The following CATSPERE variants were observed in gnomAD, a reference collection of about 807,000 sequenced individuals.
CATSPERE encodes catsper channel auxiliary subunit epsilon.
A neutral mutation model predicts 114.1 loss-of-function variants in CATSPERE; 93 were observed. The observed-to-expected ratio is 0.81, with a 90% CI of 0.69 to 0.97. The LOEUF is 0.97. Ranked by LOEUF, CATSPERE falls within the 50% of genes least tolerant of loss-of-function variation. CATSPERE has a pLI of 0.00. For synonymous variants in CATSPERE, 341 were observed against 384.1 expected (o/e 0.89, Z 1.31); for missense variants, 1,058 against 1,131.6 (o/e 0.93, Z 0.93).
At chr1:244,577,430 A>G (rs1184640770) in intron 11 of CATSPERE, among the ~76,000 whole-genome samples, 1 of 152,254 alleles carries the variant, frequency 6.6e-6, no homozygotes, top group Non-Finnish European at 1.5e-5. Context: ...TTTGAAATCT[A>G]TCTTAGTCCA....
intron 12 of CATSPERE, 138 bp from the exon 13 acceptor site, chr1:244,583,726 C>T: frequency 1.5e-6 from 1 of 656,846 alleles, no homozygotes; most frequent in East Asian, 2.8e-5. Context: ...CCAGCAGCAC[C>T]ATCCTCCAGG....
Position 244,640,368 on chromosome 1 carries a change from T to C in CATSPERE, c.*287T>C, listed in dbSNP as rs1215669942. 2 of 196,294 alleles carry C rather than the reference T, an allele frequency of 1.0e-5. No individual in the cohort carries two copies. The highest frequency in any genetic ancestry group is 2.1e-5 in the Non-Finnish European group (2 of 97,312). The allele number at this position is 196,294 out of a possible 1,614,324, so 12.2% of individuals were successfully genotyped here. A position where few individuals can be genotyped will look rare whatever the true frequency, so the allele number is the denominator to read the frequency against. On this transcript the variant is annotated 3_prime_UTR_variant, in exon 22 of 22. Transcript: ENST00000366534. ...TAAATTTGACTATTACAATCCTTTG[T>C]AAGAATGAAAGTGAATTTTTGAAAA...
At chr1:244,582,941 AT>A (rs1558538944) in intron 12 of CATSPERE, among the ~76,000 whole-genome samples, 289 of 2,956 alleles carry the variant, frequency 0.098, 15 homozygotes, top group African/African-American at 0.15. Flanking sequence ...ATATATATAT[AT>A]ATATATATAT....
chr1:244,463,272 A>G (rs1184414787), intron 1 of CATSPERE, among the ~76,000 whole-genome samples: 1 of 152,172 alleles, frequency 6.6e-6, no homozygotes, highest in Non-Finnish European at 1.5e-5. Context: ...TTTAATTAAT[A>G]GGAGGTGGCT....
intron 20 of CATSPERE, among the ~76,000 whole-genome samples, chr1:244,624,155 T>C (rs1258462807): frequency 1.3e-5 from 2 of 148,536 alleles, no homozygotes; most frequent in African/African-American, 2.5e-5. Context: ...GTATTTTTAG[T>C]AGAGACAGGG....
chr1:244,498,770 C>T (rs369190983), intron 6 of CATSPERE, among the ~76,000 whole-genome samples: 11 of 151,992 alleles, frequency 7.2e-5, no homozygotes, highest in African/African-American at 1.4e-4. Flanking sequence ...TGGTGGTGGG[C>T]GCCTGTAATC....
At chr1:244,584,064 G>C (rs1336323362) in intron 13 of CATSPERE, 125 bp downstream of exon 13, 4 of 639,856 alleles carry the variant, frequency 6.3e-6, no homozygotes, top group Non-Finnish European at 1.1e-5. Flanking sequence ...TACCTCCATA[G>C]AGTACCATCC....
At chr1:244,498,104 A>C (rs1673408664) in intron 6 of CATSPERE, among the ~76,000 whole-genome samples, 1 of 152,228 alleles carries the variant, frequency 6.6e-6, no homozygotes, top group Non-Finnish European at 1.5e-5. Flanking sequence ...TTATAATGGC[A>C]AGGGAGAAAC....
intron 1 of CATSPERE, among the ~76,000 whole-genome samples, chr1:244,454,914 G>A (rs1487807968): frequency 6.6e-6 from 1 of 152,084 alleles, no homozygotes; most frequent in Non-Finnish European, 1.5e-5. Context: ...AGCCAATACT[G>A]TATGAAATTT....
chr1:244,477,122 A>T (rs373092426), intron 2 of CATSPERE, among the ~76,000 whole-genome samples: 1 of 152,044 alleles, frequency 6.6e-6, no homozygotes, highest in East Asian at 1.9e-4. Flanking sequence ...CAGCCTCCTG[A>T]GTAGCAGGGA....
intron 8 of CATSPERE, among the ~76,000 whole-genome samples, chr1:244,525,424 G>A (rs542298880): frequency 6.6e-6 from 1 of 151,982 alleles, no homozygotes; most frequent in East Asian, 1.9e-4. Context: ...CACCAGCATG[G>A]CACATGTATA....
rs1663984441 is a variant in CATSPERE, at chr1:244,568,781, A to T, written c.1508-3549A>T. On this transcript the variant is annotated intron_variant, in intron 10 of 21. Transcript: ENST00000366534. This position sits in a 1 kb window ranked among gnomAD's most constrained non-coding sequence, Gnocchi z 4.4. ...AGTGGATCTTAGCTTGCTGGACTCC[A>T]TAGGGGTGGGATCCACTGAGCTAGA... Among the ~76,000 whole-genome samples, 1 of 152,174 alleles carries T rather than the reference A, an allele frequency of 6.6e-6. No individual in the cohort carries two copies. Among genetic ancestry groups the T allele is most frequent in the Non-Finnish European group, 1.5e-5 (1 of 68,020 alleles).
At chr1:244,555,818 C>A (rs6669310) in intron 9 of CATSPERE, among the ~76,000 whole-genome samples, 20,174 of 151,988 alleles carry the variant, frequency 0.13, 2,404 homozygotes, top group African/African-American at 0.32. Context: ...CAAGAAAGCA[C>A]TCCTATTTAC....
chr1:244,626,778 G>C (rs1673258436), intron 20 of CATSPERE, among the ~76,000 whole-genome samples: 1 of 152,186 alleles, frequency 6.6e-6, no homozygotes, highest in Admixed American at 6.5e-5. Flanking sequence ...TGAAGAGAGT[G>C]CTCTAAATTA....
At chr1:244,491,412 A>C (rs1340381739) in intron 6 of CATSPERE, among the ~76,000 whole-genome samples, 1 of 152,074 alleles carries the variant, frequency 6.6e-6, no homozygotes, top group Non-Finnish European at 1.5e-5. Context: ...CAAAGACACA[A>C]CATACCAGAA....
At chr1:244,529,832 G>T (rs1318035004) in intron 8 of CATSPERE, among the ~76,000 whole-genome samples, 6 of 152,122 alleles carry the variant, frequency 3.9e-5, no homozygotes, top group Non-Finnish European at 7.4e-5. Flanking sequence ...TTTTCTTTTA[G>T]TAGTTTTATA....
rs370278636 is a variant in CATSPERE, at chr1:244,612,254, C to T, written c.2490+1928C>T. On this transcript the variant is annotated intron_variant, in intron 19 of 21. Transcript: ENST00000366534. ...CTCTTACTGAAGGGTGTCATTATTA[C>T]GTTGTATCTTAACTCAACAGGGCAA... Among the ~76,000 whole-genome samples the T allele has an allele frequency of 2.4e-3, 365 of 152,256 alleles. 3 individuals carry two copies. The highest frequency in any genetic ancestry group is 8.3e-3 in the African/African-American group (344 of 41,546).
chr1:244,516,105 C>T (rs59554368), intron 7 of CATSPERE, among the ~76,000 whole-genome samples: 18,457 of 151,454 alleles, frequency 0.12, 1,884 homozygotes, highest in African/African-American at 0.28. Context: ...GTTGGGCGAT[C>T]GCTTGAGCCT....
intron 8 of CATSPERE, among the ~76,000 whole-genome samples, chr1:244,527,198 A>G (rs530256824): frequency 6.6e-6 from 1 of 152,300 alleles, no homozygotes; most frequent in South Asian, 2.1e-4. Context: ...TCCTCGTCCT[A>G]ATAAGCCTGG....
Sources: gnomAD v4.1 joint callset for allele counts (sites outside exome capture counted in the v4.1 genomes callset) on GRCh38, gnomAD v4.1.1 for gene constraint, Gnocchi (gnomAD v3.1) non-coding constraint, MANE v1.5 for transcripts, NCBI Gene and HGNC (gene_info 2026-07-23, HGNC 2026-07-21) for gene names.